Variants in CDH6 observed in about 807,000 individuals in gnomAD.
CDH6 encodes cadherin-6.
CDH6 carries 31 observed loss-of-function variants against 78.0 expected under a neutral mutation model. The observed-to-expected ratio is 0.40, with a 90% CI of 0.30 to 0.54. The LOEUF (loss-of-function observed/expected upper bound fraction) is 0.54. Among genes scored for constraint, CDH6 ranks in the 20% least tolerant of loss-of-function variants. CDH6 has a pLI of 0.56. For synonymous variants in CDH6, 376 were observed against 368.8 expected, an observed-to-expected ratio of 1.02 and a Z score of -0.23; for missense variants, 724 against 975.9, an observed-to-expected ratio of 0.74 and a Z score of 3.44.
intron 2 of CDH6, among the ~76,000 whole-genome samples, chr5:31,270,727 T>C (rs1236066035): frequency 6.6e-6 from 1 of 152,012 alleles, no homozygotes; most frequent in Non-Finnish European, 1.5e-5. Context: ...GCTGGGGTCT[T>C]GCTCTGTCAC....
In CDH6 at chr5:31,302,108, T is replaced by C. The variant is rs11750360; in HGVS notation, c.812-3T>C. ...TGACTTATATCTGTCTGGTGATTAA[T>C]AGGTACATACCAGTTTAAAACTCCT... On this transcript the variant is annotated splice_polypyrimidine_tract_variant and splice_region_variant and intron_variant, in intron 5 of 11. Transcript: ENST00000265071. 9.8e-3 allele frequency: 15,660 copies of C among 1,593,498 alleles called. 99 individuals are homozygous for C. The highest frequency in any genetic ancestry group is 0.012 in the Middle Eastern group (72 of 5,982).
intron 2 of CDH6, among the ~76,000 whole-genome samples, chr5:31,270,692 T>G (rs748261123): frequency 2.4e-4 from 36 of 152,096 alleles, no homozygotes; most frequent in Non-Finnish European, 4.7e-4. Flanking sequence ...TTTTTTTATT[T>G]TATTTATTTT....
chr5:31,288,818 G>A (rs560163925), intron 2 of CDH6, among the ~76,000 whole-genome samples: 5 of 152,200 alleles, frequency 3.3e-5, no homozygotes, highest in South Asian at 2.1e-4. Context: ...GCACTACACC[G>A]TACAAGTCCT....
chr5:31,214,103 G>C (rs1218765515), intron 1 of CDH6, among the ~76,000 whole-genome samples: 4 of 146,360 alleles, frequency 2.7e-5, no homozygotes, highest in African/African-American at 1.0e-4. Flanking sequence ...AGGGGGCCTT[G>C]ATGACCAGAA....
chr5:31,285,382 G>A (rs112114887), intron 2 of CDH6, among the ~76,000 whole-genome samples: 30 of 152,282 alleles, frequency 2.0e-4, no homozygotes, highest in African/African-American at 7.2e-4. Flanking sequence ...CCCTGATTCA[G>A]TCTTCTCCAA....
chr5:31,252,328 G>GGTGTGTGTGTGTGTGT (rs5867065), intron 1 of CDH6, among the ~76,000 whole-genome samples: 5,171 of 148,986 alleles, frequency 0.035, 188 homozygotes, highest in African/African-American at 0.084. Context: ...ATGTGTGTGT[G>GGTGTGTGTGTGTGTGT]GTGTGTGTGT....
chr5:31,212,885 G>A (rs529405651), intron 1 of CDH6, among the ~76,000 whole-genome samples: 7 of 152,178 alleles, frequency 4.6e-5, no homozygotes, highest in East Asian at 1.9e-4. Flanking sequence ...TCTAGCCCAC[G>A]TAGGTGCCCC....
At chr5:31,287,793 A>C (rs1311021385) in intron 2 of CDH6, among the ~76,000 whole-genome samples, 2 of 152,188 alleles carry the variant, frequency 1.3e-5, no homozygotes, top group Non-Finnish European at 2.9e-5. Context: ...GGGGCCAGAA[A>C]TTTGCATTTC....
intron 1 of CDH6, among the ~76,000 whole-genome samples, chr5:31,253,516 G>C (rs1243638014): frequency 7.9e-5 from 12 of 152,154 alleles, no homozygotes; most frequent in African/African-American, 2.7e-4. Flanking sequence ...GTCTTTATTA[G>C]CAGAGTGAGA....
chr5:31,231,146 G>A (rs1243609153), intron 1 of CDH6, among the ~76,000 whole-genome samples: 1 of 152,000 alleles, frequency 6.6e-6, no homozygotes, highest in African/African-American at 2.4e-5. Flanking sequence ...ATGATTTAGA[G>A]GCCAAATGTT....
intron 2 of CDH6, among the ~76,000 whole-genome samples, chr5:31,272,863 G>A (rs1742566771): frequency 6.6e-6 from 1 of 152,132 alleles, no homozygotes; most frequent in Non-Finnish European, 1.5e-5. Flanking sequence ...ATGGAAGTTG[G>A]TGTTGGTTTT....
In CDH6 at chr5:31,305,204, A is replaced by C. The variant is rs1456542943; in HGVS notation, c.1030A>C (p.Thr344Pro). ...GGACTTTGAAAAGAAGAAAGTGTAT[A>C]CCCTTAAAGTGGAAGCCTCCAATCC... ...LLDFEKKKVY[T>P]LKVEASNPYV... The change falls in exon 7 of 12, where the codon ACC becomes CCC. Residue 344 changes from threonine to proline, a missense_variant. Coordinates refer to ENST00000265071, the MANE Select transcript of CDH6 (RefSeq NM_004932.4). 1 of 1,613,946 alleles carries C rather than the reference A, an allele frequency of 6.2e-7. No homozygotes were observed. The highest frequency in any genetic ancestry group is 8.5e-7 in the Non-Finnish European group (1 of 1,179,954).
chr5:31,199,010 C>A (rs1313109060), intron 1 of CDH6, among the ~76,000 whole-genome samples: 1 of 151,994 alleles, frequency 6.6e-6, no homozygotes, highest in Non-Finnish European at 1.5e-5. Context: ...AATATCAACT[C>A]TTTTCCTTCT....
At chr5:31,290,572 GA>G (rs988861562) in intron 2 of CDH6, among the ~76,000 whole-genome samples, 3 of 152,132 alleles carry the variant, frequency 2.0e-5, no homozygotes, top group Admixed American at 6.5e-5. Context: ...CATCACAAAA[GA>G]AAAAATCCAA....
rs139517500 is a variant in CDH6, at chr5:31,305,281, G to A, written c.1107G>A (p.Thr369=). 131 of 1,614,114 alleles carry A rather than the reference G, an allele frequency of 8.1e-5. 1 individual carries two copies. The African/African-American group carries it at 1.4e-3, about 17-fold the overall frequency. The change falls in exon 7 of 12, where the codon ACG becomes ACA. Residue 369 remains threonine (T), a synonymous_variant. Transcript: ENST00000265071. ...TGGGGCCTTTCAAAGATTCAGCCAC[G>A]GTTAGAATTGTGGTGGAGGATGTAG... is the stretch of plus-strand genomic sequence containing the variant. ...LYLGPFKDSA[T]VRIVVEDVDE...
At chr5:31,258,096 A>C (rs1460763837) in intron 1 of CDH6, among the ~76,000 whole-genome samples, 1 of 152,200 alleles carries the variant, frequency 6.6e-6, no homozygotes, top group Non-Finnish European at 1.5e-5. Flanking sequence ...TCAAGGATCT[A>C]GAACTAGAAA....
At chr5:31,292,781 GTATA>G (rs1737418475) in intron 2 of CDH6, among the ~76,000 whole-genome samples, 1 of 129,548 alleles carries the variant, frequency 7.7e-6, no homozygotes, top group African/African-American at 2.9e-5. Context: ...GTGTATGTGT[GTATA>G]TGTATATATA....
At chr5:31,229,372 A>G (rs566891844) in intron 1 of CDH6, among the ~76,000 whole-genome samples, 1 of 152,358 alleles carries the variant, frequency 6.6e-6, no homozygotes, top group African/African-American at 2.4e-5. Context: ...TAGGAAATGA[A>G]GCATATTGCC....
intron 6 of CDH6, among the ~76,000 whole-genome samples, chr5:31,302,770 AAAGAAGAAAGAG>A (rs201575486): frequency 1.5e-5 from 1 of 68,854 alleles, no homozygotes; most frequent in Non-Finnish European, 3.3e-5. Context: ...AGAAAGAAAG[AAAGAAGAAAGAG>A]AGAGAGAGAG....
Sources: allele counts gnomAD v4.1 joint callset (sites outside exome capture counted in the v4.1 genomes callset), GRCh38; gene constraint gnomAD v4.1.1; transcripts MANE v1.5; gene names NCBI Gene and HGNC (gene_info 2026-07-23, HGNC 2026-07-21).